Variants in FLRT2 observed in about 807,000 individuals in gnomAD.
The protein encoded by FLRT2 is fibronectin leucine rich transmembrane protein 2.
In FLRT2, 15 loss-of-function variants were observed where a neutral mutation model predicts 40.0. The ratio of observed to expected loss-of-function variants is 0.38; its 90% confidence interval spans 0.25 to 0.58. The LOEUF (loss-of-function observed/expected upper bound fraction) is 0.58, where lower values mean the gene tolerates loss of function less well. Among genes scored for constraint, FLRT2 ranks in the 20% least tolerant of loss-of-function variants. FLRT2 has a pLI of 0.71. For synonymous variants in FLRT2, 380 were observed against 336.8 expected, an observed-to-expected ratio of 1.13 and a Z score of -1.41; for missense variants, 726 against 840.0, an observed-to-expected ratio of 0.86 and a Z score of 1.68.
At chr14:85,533,843 C>G (rs1888462791) in intron 1 of FLRT2, among the ~76,000 whole-genome samples, 1 of 151,858 alleles carries the variant, frequency 6.6e-6, no homozygotes, top group African/African-American at 2.4e-5. Context: ...CGCGCCCCGA[C>G]GCTGCGGGCG....
At chr14:85,557,165 A>G (rs981689449) in intron 1 of FLRT2, among the ~76,000 whole-genome samples, 1 of 152,200 alleles carries the variant, frequency 6.6e-6, no homozygotes, top group East Asian at 1.9e-4. Flanking sequence ...ACAGAGTCAA[A>G]CCATATCAGA....
At chr14:85,585,384 G>T (rs2139881926) in intron 1 of FLRT2, among the ~76,000 whole-genome samples, 1 of 152,182 alleles carries the variant, frequency 6.6e-6, no homozygotes, top group East Asian at 1.9e-4. Flanking sequence ...ACTGCGTTCA[G>T]GCTGCCTTCC....
chr14:85,604,160 A>G (rs1892510307), intron 1 of FLRT2, among the ~76,000 whole-genome samples: 1 of 152,112 alleles, frequency 6.6e-6, no homozygotes, highest in South Asian at 2.1e-4. Context: ...AAATTGTCAC[A>G]TATTTTAAGA....
chr14:85,554,879 G>T (rs1196051010), intron 1 of FLRT2, among the ~76,000 whole-genome samples: 1 of 152,142 alleles, frequency 6.6e-6, no homozygotes, highest in East Asian at 1.9e-4. Flanking sequence ...GTGGCTGAAG[G>T]TGGTAGTTTG....
intron 1 of FLRT2, among the ~76,000 whole-genome samples, chr14:85,566,204 C>G (rs1045698207): frequency 6.6e-6 from 1 of 152,108 alleles, no homozygotes; most frequent in Non-Finnish European, 1.5e-5. Context: ...AAAACAGATT[C>G]TACCTGGTTA....
intron 1 of FLRT2, among the ~76,000 whole-genome samples, chr14:85,587,579 T>C (rs60778993): frequency 0.039 from 5,762 of 149,304 alleles, 359 homozygotes; most frequent in African/African-American, 0.14. Context: ...GACCATGAAT[T>C]TTTTTTTTTT....
intron 1 of FLRT2, among the ~76,000 whole-genome samples, chr14:85,612,434 T>C (rs1892931415): frequency 6.6e-6 from 1 of 152,216 alleles, no homozygotes; most frequent in South Asian, 2.1e-4. Context: ...AATTATTCCT[T>C]AAGAGTATTG....
chr14:85,623,077 C>G lies in FLRT2; in HGVS notation c.1563C>G (p.Asn521Lys). The G allele has an allele frequency of 6.2e-7, 1 of 1,614,152 alleles. No homozygotes were observed. Among genetic ancestry groups the G allele is most frequent in the Non-Finnish European group, 8.5e-7 (1 of 1,180,028 alleles). Reference protein sequence around the residue: ...EATTHASYLNNGSNTASSHEQ... With the variant: ...EATTHASYLNKGSNTASSHEQ... ...CCACCCATGCCTCCTATCTGAACAACGGCAGCAACACAGCGTCCAGCCATG... is the reference window on the plus strand; with the variant it reads ...CCACCCATGCCTCCTATCTGAACAAGGGCAGCAACACAGCGTCCAGCCATG... Residue 521 changes from asparagine (N) to lysine (K), a missense_variant, in exon 2 of 2, where the codon AAC becomes AAG. Transcript: ENST00000330753.
Position 85,651,736 on chromosome 14 carries a change from T to G in FLRT2, c.*28239T>G, listed in dbSNP as rs1028715798. The G allele has an allele frequency of 2.0e-5, 3 of 152,130 alleles. No homozygotes were observed. Among genetic ancestry groups the G allele is most frequent in the African/African-American group, 7.2e-5 (3 of 41,462 alleles). 9.4% of individuals were successfully genotyped at this position (152,130 alleles called of 1,614,324 possible). On this transcript the variant is annotated 3_prime_UTR_variant, in exon 2 of 2. Coordinates refer to ENST00000330753, the MANE Select transcript of FLRT2 (RefSeq NM_013231.6). Reference sequence around the variant, plus strand: ...TCCTTTCTATGTCTTTATGATTAAATTGTGTGCCTTACAAGGAGGTTTTAC... The same window carrying G: ...TCCTTTCTATGTCTTTATGATTAAAGTGTGTGCCTTACAAGGAGGTTTTAC...
intron 1 of FLRT2, among the ~76,000 whole-genome samples, chr14:85,606,819 G>A (rs1239980291): frequency 6.6e-6 from 1 of 151,064 alleles, no homozygotes; most frequent in Admixed American, 6.6e-5. Flanking sequence ...ACCGCACCCG[G>A]CCGTTAGCTG....
Position 85,621,538 on chromosome 14 carries a change from G to C in FLRT2, c.24G>C (p.Trp8Cys), listed in dbSNP as rs771722069. ...AAATGGGCCTACAGACCACAAAGTG[G>C]CCCAGCCATGGGGCTTTTTTCCTGA... MGLQTTK[W>C]PSHGAFFLKS... Residue 8 changes from tryptophan (W) to cysteine (C), a missense_variant, in exon 2 of 2, where the codon TGG (tryptophan) becomes TGC (cysteine). Transcript: ENST00000330753. The C allele has an allele frequency of 1.2e-6, 2 of 1,612,928 alleles. No homozygotes were observed. The highest frequency in any genetic ancestry group is 4.5e-5 in the East Asian group (2 of 44,836).
At chr14:85,603,332 C>T (rs1057173168) in intron 1 of FLRT2, among the ~76,000 whole-genome samples, 1 of 151,386 alleles carries the variant, frequency 6.6e-6, no homozygotes, top group East Asian at 1.9e-4. Flanking sequence ...TTCCGGGCAT[C>T]GATTATGAAG....
intron 1 of FLRT2, chr14:85,563,114 C>T (rs1207320488): frequency 6.6e-6 from 1 of 151,792 alleles, no homozygotes; most frequent in Non-Finnish European, 1.5e-5. Context: ...ACCTCCACTC[C>T]TTAAAAGGAA....
rs138160164 is a variant in FLRT2, at chr14:85,549,928, A to G, written c.-377+19394A>G. Reference sequence around the variant, plus strand: ...ACATCTTGCCTAATTTCTTTTTAACAATATTTATTTCTGTGGTCAAGAAGA... The same window carrying G: ...ACATCTTGCCTAATTTCTTTTTAACGATATTTATTTCTGTGGTCAAGAAGA... On this transcript the variant is annotated intron_variant, in intron 1 of 1. Transcript: ENST00000330753. 1.1e-3 allele frequency among the ~76,000 whole-genome samples: 166 copies of G among 151,910 alleles called. 3 individuals are homozygous for G. The East Asian group carries it at 0.031, about 28-fold the overall frequency.
intron 1 of FLRT2, among the ~76,000 whole-genome samples, chr14:85,608,420 G>A (rs1276209720): frequency 2.6e-5 from 4 of 152,064 alleles, no homozygotes. Flanking sequence ...TTTTAGTAGA[G>A]ACTGGGTTTC....
At chr14:85,533,927 G>C (rs1430706718) in intron 1 of FLRT2, among the ~76,000 whole-genome samples, 1 of 152,146 alleles carries the variant, frequency 6.6e-6, no homozygotes, top group African/African-American at 2.4e-5. Context: ...GTTTGGATCT[G>C]GGGGAGGGCG....
At chr14:85,619,450 C>T (rs927702287) in intron 1 of FLRT2, among the ~76,000 whole-genome samples, 7 of 151,944 alleles carry the variant, frequency 4.6e-5, no homozygotes, top group Non-Finnish European at 1.0e-4. Context: ...AAAAAGATCC[C>T]CTCCCACCCA....
chr14:85,531,699 TC>T (rs1888288352), intron 1 of FLRT2, among the ~76,000 whole-genome samples: 1 of 152,270 alleles, frequency 6.6e-6, no homozygotes, highest in East Asian at 1.9e-4. Context: ...TCTGTTCCCT[TC>T]CGATTAGCAC....
intron 1 of FLRT2, among the ~76,000 whole-genome samples, chr14:85,599,386 G>A (rs1264009422): frequency 2.0e-5 from 3 of 152,036 alleles, no homozygotes; most frequent in East Asian, 1.9e-4. Context: ...TAAGTAGGGC[G>A]CTACCAAAGA....
Sources: allele counts gnomAD v4.1 joint callset (sites outside exome capture counted in the v4.1 genomes callset), GRCh38; gene constraint gnomAD v4.1.1; transcripts MANE v1.5; gene names NCBI Gene and HGNC (gene_info 2026-07-23, HGNC 2026-07-21).